The following AGAP1 variants were observed in gnomAD, a reference collection of about 807,000 sequenced individuals.
The protein encoded by AGAP1 is ArfGAP with GTPase domain, ankyrin repeat and PH domain 1.
AGAP1 carries 29 observed loss-of-function variants against 105.3 expected under a neutral mutation model. The observed-to-expected ratio is 0.28, with a 90% CI of 0.21 to 0.38. The LOEUF is 0.38. Among genes scored for constraint, AGAP1 ranks in the 10% least tolerant of loss-of-function variants. AGAP1 has a pLI of 1.00. For synonymous variants in AGAP1, 509 were observed against 485.9 expected, an observed-to-expected ratio of 1.05 and a Z score of -0.63; for missense variants, 998 against 1,165.1, an observed-to-expected ratio of 0.86 and a Z score of 2.09.
intron 6 of AGAP1, among the ~76,000 whole-genome samples, chr2:235,764,040 CGTGGCTCCGGCCCGTGT>C (rs879857848): frequency 2.0e-4 from 30 of 152,016 alleles, no homozygotes; most frequent in Non-Finnish European, 3.2e-4. Context: ...TTGGCCCGTG[CGTGGCTCCGGCCCGTGT>C]GTGGCGGTTG....
Position 236,092,900 on chromosome 2 carries a change from G to C in AGAP1, c.2115-27292G>C, listed in dbSNP as rs1050917564. On this transcript the variant is annotated intron_variant, in intron 16 of 17. Transcript: ENST00000304032. This position sits in a 1 kb window ranked among gnomAD's most constrained non-coding sequence, Gnocchi z 4.7. Reference sequence around the variant, plus strand: ...AGAAAGAAAGCACAGAGCTACCAGGGACCAGGGCAGATGCCGCAGACAGAA... The same window carrying C: ...AGAAAGAAAGCACAGAGCTACCAGGCACCAGGGCAGATGCCGCAGACAGAA... Among the ~76,000 whole-genome samples the C allele has an allele frequency of 6.6e-6, 1 of 152,222 alleles. No homozygotes were observed. Among genetic ancestry groups the C allele is most frequent in the Non-Finnish European group, 1.5e-5 (1 of 68,046 alleles).
At position 235,569,624 on chromosome 2, in the gene AGAP1, C is replaced by G. The variant is rs1194832839; in HGVS notation, c.163+74775C>G. 6.6e-6 allele frequency among the ~76,000 whole-genome samples: 1 copy of G among 152,190 alleles called. No individual in the cohort carries two copies. On this transcript the variant is annotated intron_variant, in intron 1 of 17. Transcript: ENST00000304032. The surrounding 1 kb of genome is among the most constrained non-coding windows in gnomAD (Gnocchi z 5.9). ...GGTTTGGAGGATTCGAAGGACATCCCTGGAGGGGCTGTGCCCAGGTAGGGT... is the reference window on the plus strand; with the variant it reads ...GGTTTGGAGGATTCGAAGGACATCCGTGGAGGGGCTGTGCCCAGGTAGGGT...
At chr2:235,916,931 A>G (rs1314806285) in intron 11 of AGAP1, among the ~76,000 whole-genome samples, 3 of 152,144 alleles carry the variant, frequency 2.0e-5, no homozygotes, top group African/African-American at 7.2e-5. Flanking sequence ...GACAGAAGAA[A>G]TGCTCTTCTG....
intron 16 of AGAP1, among the ~76,000 whole-genome samples, chr2:236,115,105 G>A (rs2125953732): frequency 6.6e-6 from 1 of 152,358 alleles, no homozygotes; most frequent in Admixed American, 6.5e-5. Flanking sequence ...CCCGTGCCCA[G>A]CAGGCCTTCG....
intron 10 of AGAP1, among the ~76,000 whole-genome samples, chr2:235,899,946 T>C (rs2050987088): frequency 1.3e-5 from 2 of 152,246 alleles, no homozygotes; most frequent in African/African-American, 4.8e-5. Context: ...AAAAGGTGTA[T>C]TCATAATTCG....
At chr2:235,743,670 C>CA (rs138235915) in intron 4 of AGAP1, among the ~76,000 whole-genome samples, 3,041 of 152,308 alleles carry the variant, frequency 0.02, 37 homozygotes, top group Non-Finnish European at 0.034. Context: ...ATGCAGAAGT[C>CA]AGAGTTTAAC....
intron 10 of AGAP1, among the ~76,000 whole-genome samples, chr2:235,890,219 G>A (rs1032992060): frequency 6.7e-6 from 1 of 148,818 alleles, no homozygotes. Context: ...AGAGTGCAGT[G>A]GCACGATCTC....
At chr2:235,810,612 C>G (rs550270197) in intron 9 of AGAP1, among the ~76,000 whole-genome samples, 1 of 152,192 alleles carries the variant, frequency 6.6e-6, no homozygotes, top group African/African-American at 2.4e-5. Flanking sequence ...ATACCTCGTT[C>G]GCTGTAAGCA....
At chr2:235,521,131 A>G (rs914469889) in intron 1 of AGAP1, among the ~76,000 whole-genome samples, 4 of 152,234 alleles carry the variant, frequency 2.6e-5, no homozygotes, top group African/African-American at 9.6e-5. Flanking sequence ...AGAGCTTCCA[A>G]CAGTGTGACC....
chr2:235,514,042 G>A (rs1460870933), intron 1 of AGAP1, among the ~76,000 whole-genome samples: 1 of 152,314 alleles, frequency 6.6e-6, no homozygotes, highest in East Asian at 1.9e-4. Context: ...GCGTTCCCCT[G>A]TATCTTTCCT....
At position 235,555,710 on chromosome 2, in the gene AGAP1, T is replaced by A. The variant is rs1292054504; in HGVS notation, c.163+60861T>A. ...AACTTCTGCTTTGGCCTTGTCAGTC[T>A]CCTTCTGTGATTCAGACCGTAGTGA... On this transcript the variant is annotated intron_variant, in intron 1 of 17. Coordinates refer to ENST00000304032, the MANE Select transcript of AGAP1 (RefSeq NM_001037131.3). This position sits in a 1 kb window ranked among gnomAD's most constrained non-coding sequence, Gnocchi z 5.1. 6.6e-6 allele frequency among the ~76,000 whole-genome samples: 1 copy of A among 152,220 alleles called. No individual in the cohort carries two copies. The highest frequency in any genetic ancestry group is 2.4e-5 in the African/African-American group (1 of 41,456).
rs972545392 is a variant in AGAP1 at position 236,078,266 on chromosome 2, A to G, written c.2114+28985A>G. Among the ~76,000 whole-genome samples, 53 of 152,122 alleles carry G rather than the reference A, an allele frequency of 3.5e-4. No individual in the cohort carries two copies. The highest frequency in any genetic ancestry group is 5.0e-4 in the Non-Finnish European group (34 of 68,040). ...GAAGTTAATGCTGCATGCTTGATGT[A>G]GGATTTCATCATCACGAAACCTGTT... On this transcript the variant is annotated intron_variant, in intron 16 of 17. Coordinates refer to ENST00000304032, the MANE Select transcript of AGAP1 (RefSeq NM_001037131.3). The surrounding 1 kb of genome is among the most constrained non-coding windows in gnomAD (Gnocchi z 5.3).
chr2:235,761,114 A>G (rs1269885217), intron 6 of AGAP1, among the ~76,000 whole-genome samples: 2 of 152,232 alleles, frequency 1.3e-5, no homozygotes, highest in Non-Finnish European at 2.9e-5. Flanking sequence ...TCTTTCAGAA[A>G]TAACAGGAAG....
intron 12 of AGAP1, among the ~76,000 whole-genome samples, chr2:235,939,943 C>G (rs2053183530): frequency 6.6e-6 from 1 of 152,108 alleles, no homozygotes; most frequent in African/African-American, 2.4e-5. Flanking sequence ...AATTCACATC[C>G]CCAGCCATGA....
chr2:235,515,914 G>T (rs1037444627), intron 1 of AGAP1, among the ~76,000 whole-genome samples: 1 of 152,186 alleles, frequency 6.6e-6, no homozygotes, highest in Admixed American at 6.5e-5. Context: ...CAGCAACAGC[G>T]ACTTAAGGGC....
At position 236,009,861 on chromosome 2, in the gene AGAP1, A is replaced by G. The variant is rs2056451529; in HGVS notation, c.1646-26700A>G. 6.6e-6 allele frequency among the ~76,000 whole-genome samples: 1 copy of G among 152,170 alleles called. No homozygotes were observed. Among genetic ancestry groups the G allele is most frequent in the African/African-American group, 2.4e-5 (1 of 41,430 alleles). The stretch of plus-strand genomic sequence containing the variant: ...GCGCTGCATCATTTTTTAATCAGCT[A>G]TCTGAGGAATATTTATCTGATCAAC... On this transcript the variant is annotated intron_variant, in intron 13 of 17. Transcript: ENST00000304032. The surrounding 1 kb of genome is among the most constrained non-coding windows in gnomAD (Gnocchi z 4.2).
chr2:236,098,576 A>G (rs975921663), intron 16 of AGAP1, among the ~76,000 whole-genome samples: 11 of 150,474 alleles, frequency 7.3e-5, no homozygotes, highest in Middle Eastern at 3.4e-3. Flanking sequence ...TAGCAAAAAT[A>G]AATTAAATTA....
chr2:235,810,180 T>G (rs1486185532), intron 9 of AGAP1, among the ~76,000 whole-genome samples: 1 of 152,228 alleles, frequency 6.6e-6, no homozygotes, highest in Non-Finnish European at 1.5e-5. Flanking sequence ...CTTCTGAGAC[T>G]GCCTGCAGCA....
intron 16 of AGAP1, among the ~76,000 whole-genome samples, chr2:236,112,416 G>A (rs6704896): frequency 0.53 from 70,644 of 133,836 alleles, 21,210 homozygotes; most frequent in African/African-American, 0.87. Context: ...ATTCCATCTC[G>A]AAAAAAAAAA....
Sources: gnomAD v4.1 joint callset for allele counts (sites outside exome capture counted in the v4.1 genomes callset) on GRCh38, gnomAD v4.1.1 for gene constraint, Gnocchi (gnomAD v3.1) non-coding constraint, MANE v1.5 for transcripts, NCBI Gene and HGNC (gene_info 2026-07-23, HGNC 2026-07-21) for gene names.